The following UFL1 variants were observed in gnomAD, a reference collection of about 807,000 sequenced individuals.
UFL1 encodes E3 UFM1-protein ligase 1.
A neutral mutation model predicts 99.3 loss-of-function variants in UFL1; 78 were observed. The ratio of observed to expected loss-of-function variants is 0.79; its 90% CI spans 0.65 to 0.95. The LOEUF (loss-of-function observed/expected upper bound fraction) is 0.95. Ranked by LOEUF, UFL1 falls within the 40% of genes least tolerant of loss-of-function variation. The pLI is 0.00. For missense variants in UFL1, 936 were observed against 937.0 expected (o/e 1.00, Z 0.01); for synonymous variants, 335 against 322.2 (o/e 1.04, Z -0.42).
chr6:96,551,610 C>A (rs1188868398), intron 16 of UFL1, 97 bp downstream of exon 16: 2 of 938,248 alleles, frequency 2.1e-6, no homozygotes, highest in Non-Finnish European at 3.1e-6. Context: ...TAAATCCAAT[C>A]TAAAACTAGT....
chr6:96,528,107 G>A (rs961043247), intron 5 of UFL1, among the ~76,000 whole-genome samples: 2 of 152,180 alleles, frequency 1.3e-5, no homozygotes, highest in Admixed American at 1.3e-4. Flanking sequence ...AGAAGCTCCA[G>A]AAAGGGTCTT....
intron 3 of UFL1, 138 bp downstream of exon 3, chr6:96,524,548 A>G: frequency 1.8e-6 from 1 of 548,794 alleles, no homozygotes; most frequent in Non-Finnish European, 3.1e-6. Flanking sequence ...CCTCGCTGAT[A>G]CACTGAATTG....
In UFL1 at chr6:96,553,702, T is replaced by C. The variant is rs952905742; in HGVS notation, c.*199T>C. On this transcript the variant is annotated 3_prime_UTR_variant, in exon 19 of 19. Coordinates refer to ENST00000369278, the MANE Select transcript of UFL1 (RefSeq NM_015323.5). The stretch of plus-strand genomic sequence containing the variant: ...GAATTTTTGTAAATTGGGTTCTTCA[T>C]GGAAGTTTTTTTCCACCTGATTTTC... The C allele has an allele frequency of 2.4e-5, 10 of 419,226 alleles. No individual in the cohort carries two copies. Among genetic ancestry groups the C allele is most frequent in the South Asian group, 1.7e-4 (2 of 11,574 alleles). The allele number at this position is 419,226 out of a possible 1,614,324, so 26.0% of individuals were successfully genotyped here.
chr6:96,538,757 A>G lies in UFL1; in HGVS notation c.1105A>G (p.Ile369Val). Residue 369 changes from isoleucine (I) to valine (V), a missense_variant, in exon 10 of 19, where the codon ATA becomes GTA. Ile to Val is a conservative substitution (Grantham distance 29). Transcript: ENST00000369278. ...CACTGTTGTAGTCAGTGAAAAATTT[A>G]TAAATGACTGTACAGAACTGTTCCG... The part of the protein sequence containing the change: ...SDTVVVSEKF[I>V]NDCTELFREL... 1 of 1,611,356 alleles carries G rather than the reference A, an allele frequency of 6.2e-7. No homozygotes were observed. The highest frequency in any genetic ancestry group is 8.5e-7 in the Non-Finnish European group (1 of 1,178,234).
In UFL1 at chr6:96,538,633, T is replaced by C. The variant is rs774488093; in HGVS notation, c.981T>C (p.Pro327=). 8.1e-6 allele frequency: 13 copies of C among 1,609,846 alleles called. No homozygotes were observed. The highest frequency in any genetic ancestry group is 2.7e-5 in the African/African-American group (2 of 74,618). Residue 327 remains proline (P), a splice_region_variant and synonymous_variant, in exon 10 of 19, where the codon CCT becomes CCC. Transcript: ENST00000369278. ...TTTTATTTTGTTTGTAATTCTAGCC[T>C]CTGCTACCCACTTCTTTATCAGTTG... is the stretch of plus-strand genomic sequence containing the variant. The part of the protein sequence containing the change: ...ISSGTWVDIA[P]LLPTSLSVED...
At chr6:96,530,845 A>G (rs555597764) in intron 6 of UFL1, among the ~76,000 whole-genome samples, 4 of 152,196 alleles carry the variant, frequency 2.6e-5, no homozygotes, top group Admixed American at 6.5e-5. Context: ...ACTTATCACT[A>G]TTCGGTTCTC....
chr6:96,529,768 A>G (rs1048658629), intron 6 of UFL1, among the ~76,000 whole-genome samples: 3 of 152,162 alleles, frequency 2.0e-5, no homozygotes, highest in African/African-American at 7.2e-5. Context: ...CAACAAATCA[A>G]CAAGCATTTG....
At chr6:96,542,311 G>A (rs1769942280) in intron 11 of UFL1, among the ~76,000 whole-genome samples, 1 of 151,212 alleles carries the variant, frequency 6.6e-6, no homozygotes, top group Admixed American at 6.6e-5. Context: ...TGAAGCACGT[G>A]TTATGTTTCA....
Position 96,537,470 on chromosome 6 carries a change from G to A in UFL1, c.899G>A (p.Cys300Tyr), listed in dbSNP as rs1769869846. 3 of 1,610,654 alleles carry A rather than the reference G, an allele frequency of 1.9e-6. No homozygotes were observed. The East Asian group carries it at 6.7e-5, about 36-fold the overall frequency. The change falls in exon 9 of 19, where the codon TGT (cysteine) becomes TAT (tyrosine). Residue 300 changes from cysteine (C) to tyrosine (Y), a missense_variant. Cys to Tyr is a radical substitution (Grantham distance 194). Transcript: ENST00000369278. Reference sequence around the variant, plus strand: ...CAACTCTTGTTTTTGAAAGCAGCTTGTGTTGGTCAAGGACTTGTGGATCAA... The same window carrying A: ...CAACTCTTGTTTTTGAAAGCAGCTTATGTTGGTCAAGGACTTGTGGATCAA... Reference protein sequence around the residue: ...TTQLLFLKAACVGQGLVDQVE... With the variant: ...TTQLLFLKAAYVGQGLVDQVE...
rs749325453 is a variant in UFL1 at position 96,553,419 on chromosome 6, T to G, written c.2301T>G (p.Thr767=). The change falls in exon 19 of 19, where the codon ACT becomes ACG. Residue 767 remains threonine (T), a synonymous_variant. Coordinates refer to ENST00000369278, the MANE Select transcript of UFL1 (RefSeq NM_015323.5). ...AAGAACAAGAAGATGTTGCCAGTAC[T>G]ACTCGTAAAGAGCTTCAAGAACTTT... The part of the protein sequence containing the change: ...LDKEQEDVAS[T]TRKELQELSS... 6.2e-7 allele frequency: 1 copy of G among 1,613,798 alleles called. No individual in the cohort carries two copies. The highest frequency in any genetic ancestry group is 8.5e-7 in the Non-Finnish European group (1 of 1,179,828).
intron 6 of UFL1, among the ~76,000 whole-genome samples, chr6:96,534,014 T>C (rs1041391789): frequency 6.6e-6 from 1 of 151,856 alleles, no homozygotes; most frequent in African/African-American, 2.4e-5. Flanking sequence ...AATAGTTACG[T>C]ATCATGGAAA....
intron 5 of UFL1, among the ~76,000 whole-genome samples, chr6:96,527,259 A>G (rs1242471584): frequency 6.6e-6 from 1 of 152,198 alleles, no homozygotes; most frequent in African/African-American, 2.4e-5. Flanking sequence ...GACATCAGGA[A>G]AATCATTTCA....
At chr6:96,551,372 A>G in intron 15 of UFL1, 61 bp from the exon 16 acceptor site, 1 of 887,414 alleles carries the variant, frequency 1.1e-6, no homozygotes, top group Non-Finnish European at 1.8e-6. Flanking sequence ...TTTTCACTTT[A>G]TCTTATATCC....
At chr6:96,543,982 G>T (rs532683993) in intron 12 of UFL1, among the ~76,000 whole-genome samples, 1 of 150,978 alleles carries the variant, frequency 6.6e-6, no homozygotes, top group South Asian at 2.1e-4. Context: ...AGCTTTTAAT[G>T]TTTACCAAAA....
Position 96,523,282 on chromosome 6 carries a change from GT to G in UFL1, c.215del (p.Val72AlafsTer6). On this transcript the variant is annotated frameshift_variant, in exon 2 of 19. Coordinates refer to ENST00000369278, the MANE Select transcript of UFL1 (RefSeq NM_015323.5). LOFTEE classifies it high-confidence loss of function. Reference sequence around the variant, plus strand: ...TAAAGAAATGAGAGATGAGCTACATGTCCGAGGTGGTAGGTAATTCTTTAGT... The same window carrying G: ...TAAAGAAATGAGAGATGAGCTACATGCCGAGGTGGTAGGTAATTCTTTAGT... ...ISKEMRDELH[V>X]RGGRVNIVDL... The G allele has an allele frequency of 6.3e-7, 1 of 1,592,390 alleles. No individual in the cohort carries two copies. The highest frequency in any genetic ancestry group is 8.5e-7 in the Non-Finnish European group (1 of 1,172,764).
chr6:96,555,030 G>T lies in UFL1; in HGVS notation c.*1527G>T, dbSNP rs1013752382. 1 of 152,502 alleles carries T rather than the reference G, an allele frequency of 6.6e-6. No individual in the cohort carries two copies. Among genetic ancestry groups the T allele is most frequent in the African/African-American group, 2.4e-5 (1 of 41,438 alleles). 9.4% of individuals were successfully genotyped at this position (152,502 alleles called of 1,614,324 possible). A position where few individuals can be genotyped will look rare whatever the true frequency, so the allele number is the denominator to read the frequency against. ...AAATGATCATAGAAAATAAATAGAA[G>T]AGACAGTGAAGCAAGTAAAAAGAAA... On this transcript the variant is annotated 3_prime_UTR_variant, in exon 19 of 19. Transcript: ENST00000369278.
rs112515386 is a variant in UFL1 at position 96,547,811 on chromosome 6, G to T, written c.1403-353G>T. ...AGAACTCCGAAAGAAGGGAAGTTGG[G>T]GGGGGGCGGTATGTGGGCAGGGCAA... On this transcript the variant is annotated intron_variant, in intron 12 of 18. Transcript: ENST00000369278. 2.1e-3 allele frequency among the ~76,000 whole-genome samples: 313 copies of T among 151,394 alleles called. 2 individuals carry two copies. Among genetic ancestry groups the T allele is most frequent in the African/African-American group, 5.9e-3 (246 of 41,410 alleles).
At chr6:96,522,704 C>A (rs1171980645) in intron 1 of UFL1, among the ~76,000 whole-genome samples, 1 of 152,162 alleles carries the variant, frequency 6.6e-6, no homozygotes, top group African/African-American at 2.4e-5. Flanking sequence ...TAGGCCACAT[C>A]CCCTGCCTGC....
At chr6:96,546,884 A>C (rs1770008791) in intron 12 of UFL1, among the ~76,000 whole-genome samples, 1 of 151,654 alleles carries the variant, frequency 6.6e-6, no homozygotes, top group Non-Finnish European at 1.5e-5. Flanking sequence ...GAAACTGTAA[A>C]AATCCTAGAA....
Sources: allele counts gnomAD v4.1 joint callset (sites outside exome capture counted in the v4.1 genomes callset), GRCh38; gene constraint gnomAD v4.1.1; transcripts MANE v1.5; gene names NCBI Gene and HGNC (gene_info 2026-07-23, HGNC 2026-07-21).